The following TMEM50A variants were observed in gnomAD, a reference collection of about 807,000 sequenced individuals.
TMEM50A encodes the protein cervical cancer oncogene 9.
Under a neutral mutation model 23.9 loss-of-function variants are expected in TMEM50A, and 8 were observed. The observed-to-expected ratio is 0.33, with a 90% CI of 0.20 to 0.60. The LOEUF (loss-of-function observed/expected upper bound fraction) is 0.60. Among genes scored for constraint, TMEM50A ranks in the 20% least tolerant of loss-of-function variants. The pLI, the probability that TMEM50A is intolerant of heterozygous loss-of-function variation, is 0.81. For synonymous variants in TMEM50A, 55 were observed against 60.4 expected (o/e 0.91, Z 0.41); for missense variants, 178 against 192.7 (o/e 0.92, Z 0.45).
intron 5 of TMEM50A, among the ~76,000 whole-genome samples, chr1:25,354,548 A>G (rs1645312688): frequency 6.6e-6 from 1 of 152,032 alleles, no homozygotes; most frequent in African/African-American, 2.4e-5. Flanking sequence ...GGAGGCAGAG[A>G]TTGCAGTGAG....
intron 4 of TMEM50A, 70 bp from the exon 5 acceptor site, chr1:25,352,812 A>ATTTTTTT: frequency 7.2e-7 from 1 of 1,380,222 alleles, no homozygotes. Context: ...TTTGGGTTTT[A>ATTTTTTT]TTTTCTTTTT....
rs1645420832 is a variant in TMEM50A at position 25,362,283 on chromosome 1, A to G, written c.*1578A>G. ...CCCAAAACTTTAATAATGTGTCTGT[A>G]ACCAAGAAAATATTGATAGCATCAT... On this transcript the variant is annotated 3_prime_UTR_variant, in exon 7 of 7. Transcript: ENST00000374358. 2 of 854,374 alleles carry G rather than the reference A, an allele frequency of 2.3e-6. No individual in the cohort carries two copies. Among genetic ancestry groups the G allele is most frequent in the Non-Finnish European group, 1.8e-6 (1 of 561,386 alleles). 52.9% of individuals were successfully genotyped at this position (854,374 alleles called of 1,614,324 possible).
chr1:25,345,003 C>CT (rs1372106428), intron 3 of TMEM50A, among the ~76,000 whole-genome samples: 1 of 152,022 alleles, frequency 6.6e-6, no homozygotes. Flanking sequence ...AAGCCCGTAT[C>CT]TGTCTGTTTC....
At chr1:25,350,195 A>G (rs1194187727) in intron 3 of TMEM50A, among the ~76,000 whole-genome samples, 1 of 152,236 alleles carries the variant, frequency 6.6e-6, no homozygotes, top group Non-Finnish European at 1.5e-5. Context: ...GTACAAAATT[A>G]CTACAAAAAA....
At chr1:25,353,074 C>A in intron 5 of TMEM50A, 100 bp downstream of exon 5, 3 of 963,528 alleles carry the variant, frequency 3.1e-6, no homozygotes, top group Non-Finnish European at 4.6e-6. Context: ...ATAGTTGGGC[C>A]AACTACTAGC....
chr1:25,350,679 C>T (rs973123570), intron 3 of TMEM50A, among the ~76,000 whole-genome samples: 42 of 152,140 alleles, frequency 2.8e-4, no homozygotes, highest in Admixed American at 2.0e-3. Flanking sequence ...TGAACCACCA[C>T]GCCCAGCCTC....
chr1:25,357,609 AGTGTGTGTGTGTGTGT>A lies in TMEM50A; in HGVS notation c.428+781_428+796del, dbSNP rs60773283. Among the ~76,000 whole-genome samples, 364 of 111,536 alleles carry A rather than the reference AGTGTGTGTGTGTGTGT, an allele frequency of 3.3e-3. 2 individuals are homozygous for A. The highest frequency in any genetic ancestry group is 0.012 in the African/African-American group (344 of 28,260). 73.2% of individuals were successfully genotyped at this position (111,536 alleles called of 152,430 possible). ...GAGACAGAGTCTCAGTCTCTCACCC[AGTGTGTGTGTGTGTGT>A]GTGTGTGTGTGTGTGTGTGTGTGTT... On this transcript the variant is annotated intron_variant, in intron 6 of 6. Coordinates refer to ENST00000374358, the MANE Select transcript of TMEM50A (RefSeq NM_014313.4).
intron 6 of TMEM50A, among the ~76,000 whole-genome samples, chr1:25,359,088 C>T (rs1571809315): frequency 1.3e-5 from 2 of 152,316 alleles, no homozygotes; most frequent in Admixed American, 6.5e-5. Context: ...CCTGGGACTG[C>T]GCACCAGCTG....
intron 3 of TMEM50A, among the ~76,000 whole-genome samples, chr1:25,350,444 G>A (rs3091240): frequency 1.7e-4 from 26 of 151,894 alleles, no homozygotes; most frequent in African/African-American, 6.0e-4. Flanking sequence ...AGGCTGAATC[G>A]CAGTGGCACG....
At chr1:25,358,694 G>C (rs764690804) in intron 6 of TMEM50A, among the ~76,000 whole-genome samples, 16 of 152,196 alleles carry the variant, frequency 1.1e-4, no homozygotes, top group Non-Finnish European at 2.2e-4. Context: ...AGGTAATTTT[G>C]ACAGTGTAGG....
chr1:25,357,832 G>A (rs1302456311), intron 6 of TMEM50A, among the ~76,000 whole-genome samples: 2 of 151,246 alleles, frequency 1.3e-5, no homozygotes, highest in South Asian at 2.1e-4. Context: ...TAGAGACGGG[G>A]TTTCACCATG....
intron 3 of TMEM50A, among the ~76,000 whole-genome samples, chr1:25,347,130 GATCAAGATTTAAAACATC>G (rs1414546187): frequency 6.6e-6 from 1 of 152,036 alleles, no homozygotes; most frequent in African/African-American, 2.4e-5. Flanking sequence ...ACAGCATCTA[GATCAAGATTTAAAACATC>G]ACCCCAGAAC....
At chr1:25,357,609 AGTGT>A (rs60773283) in intron 6 of TMEM50A, among the ~76,000 whole-genome samples, 1,953 of 111,462 alleles carry the variant, frequency 0.018, 57 homozygotes, top group African/African-American at 0.062. Context: ...TCTCTCACCC[AGTGT>A]GTGTGTGTGT....
chr1:25,351,814 G>T, intron 4 of TMEM50A, 121 bp downstream of exon 4: 1 of 819,064 alleles, frequency 1.2e-6, no homozygotes, highest in Admixed American at 3.2e-5. Flanking sequence ...TTATTATTTT[G>T]AATCTATTGT....
At chr1:25,343,120 TA>T in intron 3 of TMEM50A, 47 bp downstream of exon 3, 2 of 1,422,694 alleles carry the variant, frequency 1.4e-6, no homozygotes, top group East Asian at 2.3e-5. Context: ...TGCCACAAAA[TA>T]AAAATGTTTC....
At chr1:25,341,666 A>T (rs1406710771) in intron 2 of TMEM50A, among the ~76,000 whole-genome samples, 1 of 151,890 alleles carries the variant, frequency 6.6e-6, no homozygotes, top group Non-Finnish European at 1.5e-5. Flanking sequence ...GGCATGAGCC[A>T]CCGCACCAAG....
chr1:25,342,794 T>G, intron 2 of TMEM50A, 167 bp from the exon 3 acceptor site: 1 of 437,450 alleles, frequency 2.3e-6, no homozygotes. Flanking sequence ...TGCTCTCAGA[T>G]TTAAGGGTAC....
In TMEM50A at chr1:25,346,284, G is replaced by A. The variant is rs564872600; in HGVS notation, c.206+3211G>A. 2.0e-3 allele frequency among the ~76,000 whole-genome samples: 298 copies of A among 151,514 alleles called. 1 individual carries two copies. Among genetic ancestry groups the A allele is most frequent in the African/African-American group, 7.0e-3 (287 of 41,258 alleles). The stretch of plus-strand genomic sequence containing the variant: ...TTTCTTTTCTTTTCATGTTAGACGT[G>A]TAAGGTGCTGATGTAAGAACAAGGT... On this transcript the variant is annotated intron_variant, in intron 3 of 6. Coordinates refer to ENST00000374358, the MANE Select transcript of TMEM50A (RefSeq NM_014313.4).
chr1:25,351,467 C>T (rs1351738312), intron 3 of TMEM50A, among the ~76,000 whole-genome samples, 159 bp from the exon 4 acceptor site: 1 of 151,778 alleles, frequency 6.6e-6, no homozygotes, highest in Non-Finnish European at 1.5e-5. Flanking sequence ...CATGGTTGTG[C>T]CACTGCATTC....
Sources: gnomAD v4.1 joint callset for allele counts (sites outside exome capture counted in the v4.1 genomes callset) on GRCh38, gnomAD v4.1.1 for gene constraint, MANE v1.5 for transcripts, NCBI Gene and HGNC (gene_info 2026-07-23, HGNC 2026-07-21) for gene names.